Variants in XKR6 observed in about 807,000 individuals in gnomAD.
XKR6 encodes XK-related protein 6.
Under a neutral mutation model 56.7 loss-of-function variants are expected in XKR6, and 22 were observed. The observed-to-expected ratio is 0.39, with a 90% CI of 0.28 to 0.55. The LOEUF (loss-of-function observed/expected upper bound fraction) is 0.55. Among genes scored for constraint, XKR6 ranks in the 20% least tolerant of loss-of-function variants. XKR6 has a pLI of 0.66. For synonymous variants in XKR6, 524 were observed against 387.8 expected, an observed-to-expected ratio of 1.35 and a Z score of -4.13; for missense variants, 852 against 889.0, an observed-to-expected ratio of 0.96 and a Z score of 0.53.
intron 1 of XKR6, among the ~76,000 whole-genome samples, chr8:11,009,015 TA>T (rs1190153246): frequency 6.7e-6 from 1 of 149,560 alleles, no homozygotes; most frequent in Admixed American, 6.8e-5. Context: ...AAGTGGCATA[TA>T]GGGGTGTTGT....
Position 11,041,481 on chromosome 8 carries a change from G to T in XKR6, c.765-116651C>A, listed in dbSNP as rs139986358. 7.3e-3 allele frequency among the ~76,000 whole-genome samples: 1,113 copies of T among 152,108 alleles called. 17 individuals carry two copies. The highest frequency in any genetic ancestry group is 0.026 in the African/African-American group (1,069 of 41,490). Reference sequence around the variant, plus strand: ...TGAGGCAGGAGTATCGCTTGAACCTGGGAGGCAGGGGCTGCAGTGAGTCAA... The same window carrying T: ...TGAGGCAGGAGTATCGCTTGAACCTTGGAGGCAGGGGCTGCAGTGAGTCAA... On this transcript the variant is annotated intron_variant, in intron 1 of 2. Coordinates refer to ENST00000416569, the MANE Select transcript of XKR6 (RefSeq NM_173683.4).
intron 1 of XKR6, among the ~76,000 whole-genome samples, chr8:10,953,745 C>T (rs375356663): frequency 2.0e-5 from 3 of 152,198 alleles, no homozygotes; most frequent in African/African-American, 4.8e-5. Context: ...GTGCAACCAT[C>T]GCCACCATCT....
At chr8:11,046,377 G>A (rs1799411032) in intron 1 of XKR6, among the ~76,000 whole-genome samples, 1 of 152,124 alleles carries the variant, frequency 6.6e-6, no homozygotes, top group African/African-American at 2.4e-5. Context: ...CCCAGCCTGG[G>A]CAACAGAGTG....
At chr8:11,116,970 C>A (rs1369800095) in intron 1 of XKR6, among the ~76,000 whole-genome samples, 1 of 152,176 alleles carries the variant, frequency 6.6e-6, no homozygotes, top group Non-Finnish European at 1.5e-5. Flanking sequence ...TTAGTCTTAA[C>A]TTTTACTACT....
At position 11,174,067 on chromosome 8, in the gene XKR6, A is replaced by G. The variant is rs181229737; in HGVS notation, c.764+26509T>C. 8.5e-4 allele frequency among the ~76,000 whole-genome samples: 130 copies of G among 152,382 alleles called. 1 individual carries two copies. The highest frequency in any genetic ancestry group is 1.4e-3 in the Non-Finnish European group (97 of 68,048). On this transcript the variant is annotated intron_variant, in intron 1 of 2. Coordinates refer to ENST00000416569, the MANE Select transcript of XKR6 (RefSeq NM_173683.4). ...TTCCTTTGTACATTTGCTTTAAAAA[A>G]TAAAACCACCACTGATCAGGTCCAA...
At chr8:11,159,515 G>C (rs1801690626) in intron 1 of XKR6, among the ~76,000 whole-genome samples, 1 of 152,210 alleles carries the variant, frequency 6.6e-6, no homozygotes, top group Admixed American at 6.5e-5. Context: ...CTTGCCATGT[G>C]CTTTCAGGCA....
intron 1 of XKR6, among the ~76,000 whole-genome samples, chr8:11,197,928 T>C (rs368119390): frequency 1.7e-4 from 26 of 152,340 alleles, no homozygotes; most frequent in Middle Eastern, 3.4e-3. Context: ...AAGAGACAAG[T>C]ATTCACGGGT....
chr8:11,038,495 TTTTG>T (rs1260049361), intron 1 of XKR6, among the ~76,000 whole-genome samples: 2 of 133,220 alleles, frequency 1.5e-5, no homozygotes, highest in Non-Finnish European at 3.2e-5. Flanking sequence ...ATTGTAGTCA[TTTTG>T]TGTGTGTGTG....
chr8:11,012,322 C>A (rs1030175968), intron 1 of XKR6, among the ~76,000 whole-genome samples: 2 of 152,254 alleles, frequency 1.3e-5, no homozygotes, highest in Admixed American at 6.5e-5. Context: ...AGTTACCTAA[C>A]CTTTCTGGCT....
At chr8:10,950,831 T>C (rs1801695242) in intron 1 of XKR6, among the ~76,000 whole-genome samples, 1 of 152,190 alleles carries the variant, frequency 6.6e-6, no homozygotes, top group African/African-American at 2.4e-5. Flanking sequence ...GGCAGCTTGC[T>C]AGAAGTTTCT....
chr8:10,958,223 G>A (rs931581608), intron 1 of XKR6, among the ~76,000 whole-genome samples: 1 of 152,206 alleles, frequency 6.6e-6, no homozygotes, highest in Non-Finnish European at 1.5e-5. Flanking sequence ...CGTTTGGATG[G>A]CAACCAAGCC....
intron 1 of XKR6, among the ~76,000 whole-genome samples, chr8:11,119,195 C>G (rs1455817373): frequency 4.6e-5 from 7 of 152,060 alleles, no homozygotes; most frequent in Non-Finnish European, 1.0e-4. Context: ...AATTTCTGTT[C>G]TTTTACATTT....
chr8:11,076,719 G>A (rs536741027), intron 1 of XKR6, among the ~76,000 whole-genome samples: 1 of 152,338 alleles, frequency 6.6e-6, no homozygotes, highest in Admixed American at 6.5e-5. Context: ...CAGGATCCGG[G>A]GCCTCAGCCA....
intron 1 of XKR6, among the ~76,000 whole-genome samples, chr8:10,925,682 C>G (rs992271587): frequency 6.6e-6 from 1 of 152,198 alleles, no homozygotes; most frequent in East Asian, 1.9e-4. Flanking sequence ...CTAGTTATTC[C>G]AGCTCTGTGT....
At chr8:11,157,004 G>A (rs966125158) in intron 1 of XKR6, among the ~76,000 whole-genome samples, 1 of 152,352 alleles carries the variant, frequency 6.6e-6, no homozygotes, top group South Asian at 2.1e-4. Context: ...ATGATGTCAT[G>A]TGACTATCAC....
At chr8:10,904,903 C>T (rs183881855) in intron 2 of XKR6, among the ~76,000 whole-genome samples, 3 of 152,316 alleles carry the variant, frequency 2.0e-5, no homozygotes, top group Admixed American at 6.5e-5. Flanking sequence ...CTCACCCTCT[C>T]TCTGACCGAG....
At chr8:11,150,529 A>G (rs994116330) in intron 1 of XKR6, among the ~76,000 whole-genome samples, 16 of 152,120 alleles carry the variant, frequency 1.1e-4, no homozygotes, top group African/African-American at 3.9e-4. Context: ...AACTATCTGG[A>G]AAAGAGGAGC....
chr8:10,959,203 T>G (rs1801987405), intron 1 of XKR6, among the ~76,000 whole-genome samples: 1 of 151,968 alleles, frequency 6.6e-6, no homozygotes, highest in Admixed American at 6.6e-5. Context: ...CCAGTGTCCC[T>G]CCCTCCCCAC....
chr8:10,976,474 C>T (rs931343937), intron 1 of XKR6, among the ~76,000 whole-genome samples: 2 of 152,172 alleles, frequency 1.3e-5, no homozygotes, highest in African/African-American at 4.8e-5. Flanking sequence ...ACCAGATACG[C>T]CTGCAGGTGC....
Sources: gnomAD v4.1 joint callset for allele counts (sites outside exome capture counted in the v4.1 genomes callset) on GRCh38, gnomAD v4.1.1 for gene constraint, MANE v1.5 for transcripts, NCBI Gene and HGNC (gene_info 2026-07-23, HGNC 2026-07-21) for gene names.